AKAP7: variants seen among roughly 807,000 people sequenced by gnomAD.
AKAP7 encodes A kinase (PRKA) anchor protein 7.
AKAP7 carries 39 observed loss-of-function variants against 39.5 expected under a neutral mutation model. The ratio of observed to expected loss-of-function variants is 0.99; its 90% confidence interval spans 0.76 to 1.29. The LOEUF is 1.29. Among genes scored for constraint, AKAP7 ranks in the 50% most tolerant of loss-of-function variants. AKAP7 has a pLI of 0.00. For synonymous variants in AKAP7, 140 were observed against 139.1 expected (o/e 1.01, Z -0.05); for missense variants, 414 against 407.7 (o/e 1.02, Z -0.13).
chr6:131,238,133 A>G (rs1234093005), intron 7 of AKAP7, among the ~76,000 whole-genome samples: 1 of 152,056 alleles, frequency 6.6e-6, no homozygotes, highest in Non-Finnish European at 1.5e-5. Flanking sequence ...TTCAAAGAAC[A>G]TCTTTATTTC....
intron 7 of AKAP7, among the ~76,000 whole-genome samples, chr6:131,268,835 A>G (rs1380573307): frequency 6.6e-6 from 1 of 152,206 alleles, no homozygotes; most frequent in Non-Finnish European, 1.5e-5. Context: ...CTTAAAATAC[A>G]TGATAAGAAA....
intron 5 of AKAP7, among the ~76,000 whole-genome samples, chr6:131,175,744 T>A (rs1804510679): frequency 6.6e-6 from 1 of 152,158 alleles, no homozygotes; most frequent in South Asian, 2.1e-4. Flanking sequence ...AGATATGCGC[T>A]CTCTATGCCT....
intron 7 of AKAP7, among the ~76,000 whole-genome samples, chr6:131,255,537 T>A (rs1261392855): frequency 1.3e-5 from 2 of 152,176 alleles, no homozygotes; most frequent in South Asian, 2.1e-4. Flanking sequence ...TAAAAATGTG[T>A]TTGCCCACAG....
chr6:131,139,573 T>C (rs991499902), intron 1 of AKAP7, among the ~76,000 whole-genome samples: 4 of 152,214 alleles, frequency 2.6e-5, no homozygotes, highest in Admixed American at 1.3e-4. Context: ...AGGAATTATT[T>C]TTCATGGGCA....
intron 6 of AKAP7, among the ~76,000 whole-genome samples, chr6:131,211,204 T>G (rs1185130945): frequency 1.3e-5 from 2 of 152,176 alleles, no homozygotes; most frequent in African/African-American, 4.8e-5. Context: ...AATATGCCAG[T>G]GTATATAATT....
chr6:131,128,192 T>A, the AKAP7 span, among the ~76,000 whole-genome samples: 124 of 152,092 alleles, frequency 8.2e-4, 1 homozygote, highest in African/African-American at 2.9e-3. Context: ...AATAAAATAA[T>A]GGATTTTATA....
upstream of AKAP7, among the ~76,000 whole-genome samples, chr6:131,135,369 C>A (rs971271781): frequency 6.6e-6 from 1 of 152,224 alleles, no homozygotes; most frequent in Non-Finnish European, 1.5e-5. Flanking sequence ...GCTGCCGTGA[C>A]GCCGCAGTCG....
At chr6:131,176,097 A>G (rs1804549735) in intron 5 of AKAP7, among the ~76,000 whole-genome samples, 1 of 152,150 alleles carries the variant, frequency 6.6e-6, no homozygotes, top group African/African-American at 2.4e-5. Context: ...TTTTTCCTAC[A>G]CCATTAAAAT....
At chr6:131,158,350 G>A (rs1802608941) in intron 2 of AKAP7, among the ~76,000 whole-genome samples, 1 of 152,184 alleles carries the variant, frequency 6.6e-6, no homozygotes, top group African/African-American at 2.4e-5. Flanking sequence ...TTGTGTGCAG[G>A]CAGTTACTGT....
intron 1 of AKAP7, 96 bp downstream of exon 1, chr6:131,135,878 G>C (rs1800491868): frequency 1.7e-6 from 2 of 1,189,144 alleles, no homozygotes; most frequent in South Asian, 8.5e-5. Context: ...GGCCTGACCC[G>C]CGCCGGCCCT....
intron 6 of AKAP7, among the ~76,000 whole-genome samples, chr6:131,213,092 T>C (rs1326202659): frequency 6.6e-6 from 1 of 152,204 alleles, no homozygotes; most frequent in Non-Finnish European, 1.5e-5. Flanking sequence ...TTCCATACTT[T>C]TGACCTCTAA....
intron 7 of AKAP7, among the ~76,000 whole-genome samples, chr6:131,230,098 C>T (rs34601891): frequency 0.29 from 43,521 of 151,820 alleles, 6,637 homozygotes; most frequent in Middle Eastern, 0.39. Flanking sequence ...TTATTTTCAT[C>T]TGGGTGTATA....
At chr6:131,139,661 C>T (rs1352716748) in intron 1 of AKAP7, among the ~76,000 whole-genome samples, 1 of 152,136 alleles carries the variant, frequency 6.6e-6, no homozygotes, top group Non-Finnish European at 1.5e-5. Flanking sequence ...TGTGGACTTA[C>T]CTTTATCACA....
chr6:131,179,556 T>C (rs1305689471), intron 5 of AKAP7, among the ~76,000 whole-genome samples: 1 of 152,186 alleles, frequency 6.6e-6, no homozygotes, highest in Non-Finnish European at 1.5e-5. Flanking sequence ...TGGTCACTAG[T>C]GTATACCCAG....
chr6:131,129,801 A>C, the AKAP7 span, among the ~76,000 whole-genome samples: 271 of 152,324 alleles, frequency 1.8e-3, 1 homozygote, highest in African/African-American at 6.2e-3. Context: ...TGGGTCACCA[A>C]GGGTCCCAGT....
chr6:131,282,907 C>G lies in AKAP7; in HGVS notation c.*1181C>G, dbSNP rs1815314019. The G allele has an allele frequency of 4.1e-6, 1 of 241,720 alleles. No homozygotes were observed. Among genetic ancestry groups the G allele is most frequent in the East Asian group, 8.7e-5 (1 of 11,442 alleles). The allele number at this position is 241,720 out of a possible 1,614,324, so 15.0% of individuals were successfully genotyped here. ...CAGAAAAAAACATACAGACTGTGAA[C>G]AAATCATTCACAAACAGAATAAAAC... On this transcript the variant is annotated 3_prime_UTR_variant, in exon 8 of 8. Coordinates refer to ENST00000431975, the MANE Select transcript of AKAP7 (RefSeq NM_016377.4).
intron 7 of AKAP7, among the ~76,000 whole-genome samples, chr6:131,250,944 C>T (rs1355376499): frequency 1.3e-5 from 2 of 152,080 alleles, no homozygotes; most frequent in African/African-American, 4.8e-5. Context: ...TCACTGCATT[C>T]GATTTGATAT....
intron 1 of AKAP7, among the ~76,000 whole-genome samples, chr6:131,138,551 T>G (rs937976970): frequency 6.6e-6 from 1 of 152,240 alleles, no homozygotes; most frequent in East Asian, 1.9e-4. Flanking sequence ...TTTCTGTGGC[T>G]TCTGGTCTAT....
At chr6:131,218,661 C>T (rs576343165) in intron 6 of AKAP7, among the ~76,000 whole-genome samples, 2 of 152,122 alleles carry the variant, frequency 1.3e-5, no homozygotes, top group Non-Finnish European at 2.9e-5. Context: ...ATAGCAGAGG[C>T]AGATATATTC....
Sources: gnomAD v4.1 joint callset for allele counts (sites outside exome capture counted in the v4.1 genomes callset) on GRCh38, gnomAD v4.1.1 for gene constraint, MANE v1.5 for transcripts, NCBI Gene and HGNC (gene_info 2026-07-23, HGNC 2026-07-21) for gene names.